RO60: variants seen among roughly 807,000 people sequenced by gnomAD.
RO60 encodes Ro60, Y RNA binding protein, also known as RNA-binding protein RO60.
RO60 carries 20 observed loss-of-function variants against 55.3 expected under a neutral mutation model. The ratio of observed to expected loss-of-function variants is 0.36; its 90% CI spans 0.25 to 0.53. RO60 has a LOEUF of 0.53. Ranked by LOEUF, RO60 falls within the 20% of genes least tolerant of loss-of-function variation. The pLI, the probability that RO60 is intolerant of heterozygous loss-of-function variation, is 0.92. For synonymous variants in RO60, 213 were observed against 213.6 expected (o/e 1.00, Z 0.02); for missense variants, 558 against 646.6 (o/e 0.86, Z 1.49).
intron 4 of RO60, 23 bp downstream of exon 4, chr1:193,076,670 A>G: frequency 6.4e-7 from 1 of 1,573,488 alleles, no homozygotes. Flanking sequence ...ATTGTTCTTT[A>G]TTAGCTACTA....
chr1:193,079,081 CTTTTTTTTTTT>C (rs745317535), intron 5 of RO60, among the ~76,000 whole-genome samples: 1 of 85,934 alleles, frequency 1.2e-5, no homozygotes, highest in Admixed American at 1.7e-4. Context: ...GTTCAGTTGA[CTTTTTTTTTTT>C]TTTTTTTTTT....
At chr1:193,081,253 T>C in intron 5 of RO60, 111 bp from the exon 6 acceptor site, 1 of 535,574 alleles carries the variant, frequency 1.9e-6, no homozygotes, top group Non-Finnish European at 3.3e-6. Context: ...ATCAAAAATC[T>C]GAAGGCCTTT....
At chr1:193,060,101 C>T (rs1245345651) in intron 1 of RO60, 3 of 1,223,616 alleles carry the variant, frequency 2.5e-6, no homozygotes, top group South Asian at 1.4e-5. Context: ...TCCTCTTTCT[C>T]CTCCTTCTCC....
rs1011916715 is a variant in RO60 at position 193,087,102 on chromosome 1, T to G, written c.*2371T>G. On this transcript the variant is annotated 3_prime_UTR_variant, in exon 9 of 9. Transcript: ENST00000400968. Reference sequence around the variant, plus strand: ...ACCTTATTGAGTTATTAGGAAATAATGTATATACGATTGCTTTAGGAGTAG... The same window carrying G: ...ACCTTATTGAGTTATTAGGAAATAAGGTATATACGATTGCTTTAGGAGTAG... The G allele has an allele frequency of 7.2e-5, 11 of 152,122 alleles. No homozygotes were observed. The highest frequency in any genetic ancestry group is 1.5e-5 in the Non-Finnish European group (1 of 67,992). 9.4% of individuals were successfully genotyped at this position (152,122 alleles called of 1,614,324 possible).
Position 193,085,223 on chromosome 1 carries a change from A to G in RO60, c.*492A>G. ...ACTTTTATACCAAGGGGGTAAAAAA[A>G]AAAACTAAGGCATTTGATTAAATTA... On this transcript the variant is annotated 3_prime_UTR_variant, in exon 9 of 9. Transcript: ENST00000400968. 1 of 1,180,130 alleles carries G rather than the reference A, an allele frequency of 8.5e-7. No individual in the cohort carries two copies. Among genetic ancestry groups the G allele is most frequent in the Non-Finnish European group, 1.0e-6 (1 of 952,630 alleles). 73.1% of individuals were successfully genotyped at this position (1,180,130 alleles called of 1,614,324 possible). A position where few individuals can be genotyped will look rare whatever the true frequency, so the allele number is the denominator to read the frequency against.
At chr1:193,074,174 G>C (rs1412033109) in intron 2 of RO60, among the ~76,000 whole-genome samples, 2 of 152,078 alleles carry the variant, frequency 1.3e-5, no homozygotes, top group Non-Finnish European at 2.9e-5. Context: ...CTTTGCTATT[G>C]TGAATAGTGC....
intron 5 of RO60, among the ~76,000 whole-genome samples, chr1:193,077,639 G>A (rs898736773): frequency 4.6e-5 from 7 of 152,100 alleles, no homozygotes; most frequent in African/African-American, 1.7e-4. Context: ...TTGAACATGT[G>A]GGGATTATGG....
chr1:193,064,964 C>T (rs1673012728), intron 1 of RO60, among the ~76,000 whole-genome samples: 1 of 152,132 alleles, frequency 6.6e-6, no homozygotes. Flanking sequence ...CATTTTTACT[C>T]AGTATTCATT....
At chr1:193,082,761 T>C in intron 8 of RO60, 53 bp downstream of exon 8, 1 of 1,421,312 alleles carries the variant, frequency 7.0e-7, no homozygotes, top group Non-Finnish European at 9.4e-7. Flanking sequence ...TTTTAATACT[T>C]GATTTTTTTT....
chr1:193,061,315 C>T (rs933841757), intron 1 of RO60, among the ~76,000 whole-genome samples: 4 of 152,216 alleles, frequency 2.6e-5, no homozygotes, highest in African/African-American at 9.6e-5. Context: ...AAACCTCTAT[C>T]ATGGGCCCAA....
At chr1:193,075,409 C>T (rs1673840641) in intron 2 of RO60, among the ~76,000 whole-genome samples, 1 of 149,602 alleles carries the variant, frequency 6.7e-6, no homozygotes, top group South Asian at 2.1e-4. Flanking sequence ...TTTTATTCAA[C>T]AGCAAAAAGA....
chr1:193,084,702 A>G lies in RO60; in HGVS notation c.1588A>G (p.Ile530Val). The G allele has an allele frequency of 1.2e-6, 2 of 1,613,462 alleles. No homozygotes were observed. The highest frequency in any genetic ancestry group is 1.7e-6 in the Non-Finnish European group (2 of 1,179,760). The change falls in exon 9 of 9, where the codon ATT becomes GTT. Residue 530 changes from isoleucine (I) to valine (V), a missense_variant. Transcript: ENST00000400968. ...CTTTGATACTGGAGCTCTGGATGTA[A>G]TTCGAAATTTCACATTAGATATGAT... Reference protein sequence around the residue: ...CGFDTGALDVIRNFTLDMI With the variant: ...CGFDTGALDVVRNFTLDMI
At position 193,081,361 on chromosome 1, in the gene RO60, T is replaced by C; in HGVS notation, c.1087-3T>C. On this transcript the variant is annotated splice_region_variant and splice_polypyrimidine_tract_variant and intron_variant, in intron 5 of 8. Coordinates refer to ENST00000400968, the MANE Select transcript of RO60 (RefSeq NM_001173524.2). ...TTTAATGATTGTTTTGTTTTCTCTG[T>C]AGACAGTTGAACCAACTGGAAAACG... 1 of 1,553,208 alleles carries C rather than the reference T, an allele frequency of 6.4e-7. No individual in the cohort carries two copies. The highest frequency in any genetic ancestry group is 1.1e-5 in the South Asian group (1 of 87,712).
rs1358071531 is a variant in RO60 at position 193,059,816 on chromosome 1, C to T, written c.-22+40C>T. 7 of 1,355,478 alleles carry T rather than the reference C, an allele frequency of 5.2e-6. No homozygotes were observed. In the Admixed American group the frequency reaches 5.9e-5, roughly 11 times the overall value. The allele number at this position is 1,355,478 out of a possible 1,614,324, so 84.0% of individuals were successfully genotyped here. On this transcript the variant is annotated intron_variant, in intron 1 of 8. Transcript: ENST00000400968. This position sits in a 1 kb window ranked among gnomAD's most constrained non-coding sequence, Gnocchi z 4.9. ...GGAGGCCGGCTGGGAGCCTTTTGTG[C>T]GGCCCCAGGGACGCGCAAATTCTGA...
intron 1 of RO60, among the ~76,000 whole-genome samples, chr1:193,062,526 A>C (rs974177963): frequency 1.3e-5 from 2 of 152,212 alleles, no homozygotes; most frequent in Non-Finnish European, 2.9e-5. Context: ...GATTTTTAGA[A>C]TATAATTCAC....
In RO60 at chr1:193,069,097, C is replaced by G. The variant is rs757739580; in HGVS notation, c.43C>G (p.Gln15Glu). ...VNQMQPLNEK[Q>E]IANSQDGYVW... ...CCAAATGCAGCCACTGAATGAGAAGCAGATAGCCAATTCTCAGGATGGATA... is the reference window on the plus strand; with the variant it reads ...CCAAATGCAGCCACTGAATGAGAAGGAGATAGCCAATTCTCAGGATGGATA... Residue 15 changes from glutamine to glutamate, a missense_variant, in exon 2 of 9, where the codon CAG (glutamine) becomes GAG (glutamate). Coordinates refer to ENST00000400968, the MANE Select transcript of RO60 (RefSeq NM_001173524.2). The G allele has an allele frequency of 1.2e-6, 2 of 1,613,678 alleles. No individual in the cohort carries two copies. The highest frequency in any genetic ancestry group is 2.7e-5 in the African/African-American group (2 of 74,884).
Position 193,086,472 on chromosome 1 carries a change from A to T in RO60, c.*1741A>T, listed in dbSNP as rs189911619. 1 of 152,142 alleles carries T rather than the reference A, an allele frequency of 6.6e-6. No homozygotes were observed. The highest frequency in any genetic ancestry group is 1.5e-5 in the Non-Finnish European group (1 of 67,992). The allele number at this position is 152,142 out of a possible 1,614,324, so 9.4% of individuals were successfully genotyped here. On this transcript the variant is annotated 3_prime_UTR_variant, in exon 9 of 9. Coordinates refer to ENST00000400968, the MANE Select transcript of RO60 (RefSeq NM_001173524.2). ...CGTTTTTAACCCTGTCAAGCATTGA[A>T]CTGAATATATTAGCTACTTTTGACA...
At chr1:193,071,523 G>A (rs897384072) in intron 2 of RO60, among the ~76,000 whole-genome samples, 1 of 151,732 alleles carries the variant, frequency 6.6e-6, no homozygotes, top group Non-Finnish European at 1.5e-5. Context: ...TTTTTATACT[G>A]TTACAAAAAT....
chr1:193,081,290 T>G, intron 5 of RO60, 74 bp from the exon 6 acceptor site: 1 of 818,608 alleles, frequency 1.2e-6, no homozygotes. Flanking sequence ...GTAAGATAAG[T>G]AAATATGATT....
Sources: allele counts gnomAD v4.1 joint callset (sites outside exome capture counted in the v4.1 genomes callset), GRCh38; gene constraint gnomAD v4.1.1; non-coding constraint Gnocchi (gnomAD v3.1); transcripts MANE v1.5; gene names NCBI Gene and HGNC (gene_info 2026-07-23, HGNC 2026-07-21).